The following DOCK2 variants were observed in gnomAD, a reference collection of about 807,000 sequenced individuals.
DOCK2 encodes the protein dedicator of cytokinesis protein 2.
A neutral mutation model predicts 248.9 loss-of-function variants in DOCK2; 87 were observed. That is an observed-to-expected ratio of 0.35 (90% CI 0.29 to 0.42). The LOEUF is 0.42. Ranked by LOEUF, DOCK2 falls within the 10% of genes least tolerant of loss-of-function variation. The probability of loss-of-function intolerance (pLI) is 1.00; values close to 1 mark genes in which losing one functional copy is unlikely to be tolerated. For missense variants in DOCK2, 1,747 were observed against 2,300.2 expected, an observed-to-expected ratio of 0.76 and a Z score of 4.92; for synonymous variants, 805 against 821.6, an observed-to-expected ratio of 0.98 and a Z score of 0.35.
chr5:169,890,040 A>T (rs770023192), intron 27 of DOCK2, among the ~76,000 whole-genome samples: 2 of 152,238 alleles, frequency 1.3e-5, no homozygotes, highest in Non-Finnish European at 2.9e-5. Flanking sequence ...GGAGGCTGGG[A>T]AGCATTATCC....
chr5:169,898,493 G>C (rs550218311), intron 27 of DOCK2, among the ~76,000 whole-genome samples: 15 of 152,122 alleles, frequency 9.9e-5, no homozygotes, highest in African/African-American at 3.6e-4. Flanking sequence ...ACATGGGATT[G>C]ATAGGAGTAT....
intron 45 of DOCK2, among the ~76,000 whole-genome samples, chr5:170,068,854 A>G (rs893503060): frequency 3.3e-5 from 5 of 152,190 alleles, no homozygotes; most frequent in African/African-American, 1.2e-4. Flanking sequence ...GAGACTTTGC[A>G]TCTCTAACAA....
chr5:169,688,463 G>A (rs980951898), intron 8 of DOCK2, among the ~76,000 whole-genome samples: 1 of 152,116 alleles, frequency 6.6e-6, no homozygotes, highest in African/African-American at 2.4e-5. Context: ...TATTTGAAAC[G>A]CTTGGGACCA....
intron 32 of DOCK2, among the ~76,000 whole-genome samples, chr5:170,017,549 G>A (rs1755577054): frequency 6.6e-6 from 1 of 152,154 alleles, no homozygotes; most frequent in Non-Finnish European, 1.5e-5. Context: ...ACATCACAAA[G>A]ATAATATTAA....
chr5:169,683,586 C>G (rs1759790452), intron 7 of DOCK2, among the ~76,000 whole-genome samples: 1 of 152,192 alleles, frequency 6.6e-6, no homozygotes, highest in Admixed American at 6.5e-5. Context: ...ACATCCTCGT[C>G]AACACTTGAT....
At position 169,853,804 on chromosome 5, in the gene DOCK2, C is replaced by CTTTTTTTTT. The variant is rs67124138; in HGVS notation, c.2799+12989_2799+12997dup. The stretch of plus-strand genomic sequence containing the variant: ...TTCCTTCTATAATCAGGAAAAACAA[C>CTTTTTTTTT]TTTTTTTTTTTTTTTTTTTTTTTTT... On this transcript the variant is annotated intron_variant, in intron 27 of 51. Coordinates refer to ENST00000520908, the MANE Select transcript of DOCK2 (RefSeq NM_004946.3). Among the ~76,000 whole-genome samples, 19 of 56,858 alleles carry CTTTTTTTTT rather than the reference C, an allele frequency of 3.3e-4. 1 individual carries two copies. Among genetic ancestry groups the CTTTTTTTTT allele is most frequent in the East Asian group, 1.1e-3 (2 of 1,812 alleles). The allele number at this position is 56,858 out of a possible 152,430, so 37.3% of individuals were successfully genotyped here. A position where few individuals can be genotyped will look rare whatever the true frequency, so the allele number is the denominator to read the frequency against.
chr5:170,048,847 T>G lies in DOCK2; in HGVS notation c.4071+1233T>G, dbSNP rs78095431. Among the ~76,000 whole-genome samples the G allele has an allele frequency of 4.6e-3, 694 of 152,314 alleles. 4 individuals carry two copies. Among genetic ancestry groups the G allele is most frequent in the Middle Eastern group, 0.017 (5 of 294 alleles). On this transcript the variant is annotated intron_variant, in intron 40 of 51. Coordinates refer to ENST00000520908, the MANE Select transcript of DOCK2 (RefSeq NM_004946.3). ...GTAGGCTTCCTTCAGTCTGTGAGCCTATGGTTCAACTCTGGGGTGAGGGAA... is the reference window on the plus strand; with the variant it reads ...GTAGGCTTCCTTCAGTCTGTGAGCCGATGGTTCAACTCTGGGGTGAGGGAA...
At chr5:169,833,541 A>G (rs1033365510) in intron 26 of DOCK2, among the ~76,000 whole-genome samples, 2 of 152,218 alleles carry the variant, frequency 1.3e-5, no homozygotes, top group African/African-American at 4.8e-5. Context: ...GGTGAAGGAA[A>G]GGAAGGAGCT....
chr5:170,082,240 T>C (rs1004414845), intron 51 of DOCK2, among the ~76,000 whole-genome samples: 11 of 152,188 alleles, frequency 7.2e-5, no homozygotes, highest in African/African-American at 2.6e-4. Context: ...TCAGAAGCAG[T>C]AGGTGGCCTA....
At chr5:169,875,298 C>G (rs1246747572) in intron 27 of DOCK2, 1 of 456,654 alleles carries the variant, frequency 2.2e-6, no homozygotes, top group East Asian at 7.0e-5. Flanking sequence ...GGGCTGAAAC[C>G]CAGCAACAAG....
intron 26 of DOCK2, among the ~76,000 whole-genome samples, chr5:169,833,278 T>C (rs1424990870): frequency 2.0e-5 from 3 of 152,144 alleles, no homozygotes; most frequent in African/African-American, 7.2e-5. Context: ...TATTCAAACA[T>C]GAAAAGTTTA....
intron 26 of DOCK2, among the ~76,000 whole-genome samples, chr5:169,829,714 T>C (rs899915431): frequency 6.6e-6 from 1 of 152,242 alleles, no homozygotes; most frequent in African/African-American, 2.4e-5. Flanking sequence ...TATTAGCTAG[T>C]CAACTACAAC....
chr5:170,006,965 A>C (rs1384828792), intron 30 of DOCK2, among the ~76,000 whole-genome samples: 1 of 152,202 alleles, frequency 6.6e-6, no homozygotes, highest in Non-Finnish European at 1.5e-5. Flanking sequence ...CTCATCTATA[A>C]TAGAGGAATA....
At chr5:169,719,834 A>T (rs374960757) in intron 22 of DOCK2, among the ~76,000 whole-genome samples, 2 of 151,864 alleles carry the variant, frequency 1.3e-5, no homozygotes, top group East Asian at 3.9e-4. Flanking sequence ...CAGGTCAGCC[A>T]CTTATGGTGT....
intron 2 of DOCK2, among the ~76,000 whole-genome samples, chr5:169,654,763 C>T (rs934359496): frequency 1.3e-5 from 2 of 152,208 alleles, no homozygotes; most frequent in African/African-American, 4.8e-5. Flanking sequence ...TTCCTAGATA[C>T]AGTTCTTTAT....
intron 26 of DOCK2, among the ~76,000 whole-genome samples, chr5:169,817,473 T>C (rs1042804964): frequency 6.6e-6 from 1 of 152,236 alleles, no homozygotes; most frequent in African/African-American, 2.4e-5. Flanking sequence ...TCGGACCTTA[T>C]TTCCCAGCAC....
chr5:169,923,889 T>C (rs1455645130), intron 27 of DOCK2, among the ~76,000 whole-genome samples: 1 of 152,202 alleles, frequency 6.6e-6, no homozygotes, highest in Non-Finnish European at 1.5e-5. Context: ...TGAGCTAAGA[T>C]GGAAGTTTTG....
intron 26 of DOCK2, among the ~76,000 whole-genome samples, chr5:169,826,644 TAC>T (rs942287968): frequency 3.3e-5 from 5 of 152,156 alleles, no homozygotes; most frequent in African/African-American, 1.2e-4. Flanking sequence ...TGAGACTTGA[TAC>T]AGTTTCAAGG....
intron 27 of DOCK2, among the ~76,000 whole-genome samples, chr5:169,923,313 A>G (rs1440992648): frequency 1.3e-5 from 2 of 152,350 alleles, no homozygotes; most frequent in Non-Finnish European, 2.9e-5. Context: ...GTACTTTCAT[A>G]TATTTCCTAA....
Sources: allele counts gnomAD v4.1 joint callset (sites outside exome capture counted in the v4.1 genomes callset), GRCh38; gene constraint gnomAD v4.1.1; transcripts MANE v1.5; gene names NCBI Gene and HGNC (gene_info 2026-07-23, HGNC 2026-07-21).